YPEL5: variants seen among roughly 807,000 people sequenced by gnomAD.
YPEL5 encodes the protein protein yippee-like 5.
A neutral mutation model predicts 10.5 loss-of-function variants in YPEL5; 1 was observed. The ratio of observed to expected loss-of-function variants is 0.10; its 90% confidence interval spans 0.03 to 0.45. The LOEUF (loss-of-function observed/expected upper bound fraction) is 0.45. Among genes scored for constraint, YPEL5 ranks in the 20% least tolerant of loss-of-function variants. YPEL5 has a pLI of 0.97. For missense variants in YPEL5, 68 were observed against 159.3 expected (o/e 0.43, Z 3.09); for synonymous variants, 61 against 56.6 (o/e 1.08, Z -0.35).
intron 1 of YPEL5, 72 bp from the exon 2 acceptor site, chr2:30,156,555 CT>C: frequency 2.8e-6 from 4 of 1,416,704 alleles, no homozygotes; most frequent in Non-Finnish European, 3.9e-6. Flanking sequence ...AAATTGTTCT[CT>C]ATGACACCCC....
At chr2:30,148,884 TA>T (rs1675647243) in intron 1 of YPEL5, among the ~76,000 whole-genome samples, 1 of 152,236 alleles carries the variant, frequency 6.6e-6, no homozygotes, top group Admixed American at 6.5e-5. Context: ...TATGTGTGCC[TA>T]AAATATCATT....
rs1676148205 is a variant in YPEL5 at position 30,158,637 on chromosome 2, A to G, written c.160A>G (p.Ser54Gly). 1 of 1,613,584 alleles carries G rather than the reference A, an allele frequency of 6.2e-7. No individual in the cohort carries two copies. The highest frequency in any genetic ancestry group is 8.5e-7 in the Non-Finnish European group (1 of 1,180,052). Residue 54 changes from serine to glycine, a missense_variant, in exon 3 of 3, where the codon AGT (serine) becomes GGT (glycine). Coordinates refer to ENST00000261353, the MANE Select transcript of YPEL5 (RefSeq NM_016061.3). ...LFNKVVNLQY[S>G]EVQDRVMLTG... The stretch of plus-strand genomic sequence containing the variant: ...TTGTTAGGTAGTTAACCTGCAGTAC[A>G]GTGAAGTTCAAGATCGGGTCATGCT...
chr2:30,154,054 A>G (rs1675931618), intron 1 of YPEL5, among the ~76,000 whole-genome samples: 1 of 152,246 alleles, frequency 6.6e-6, no homozygotes. Context: ...ATGTAGATAC[A>G]GGTAGTTACT....
chr2:30,154,528 T>G (rs1675950919), intron 1 of YPEL5, among the ~76,000 whole-genome samples: 1 of 152,186 alleles, frequency 6.6e-6, no homozygotes, highest in African/African-American at 2.4e-5. Context: ...TACAGGCTCT[T>G]TAATGAGATC....
At position 30,160,385 on chromosome 2, in the gene YPEL5, T is replaced by A. The variant is rs1280070926; in HGVS notation, c.*1542T>A. The A allele has an allele frequency of 6.6e-6, 1 of 152,210 alleles. No homozygotes were observed. Among genetic ancestry groups the A allele is most frequent in the Non-Finnish European group, 1.5e-5 (1 of 68,032 alleles). The allele number at this position is 152,210 out of a possible 1,614,324, so 9.4% of individuals were successfully genotyped here. Reference sequence around the variant, plus strand: ...AAATAAGTGGACACAAACTATCCTTTCTCCACCATGGACTCAATCTGAGAA... The same window carrying A: ...AAATAAGTGGACACAAACTATCCTTACTCCACCATGGACTCAATCTGAGAA... On this transcript the variant is annotated 3_prime_UTR_variant, in exon 3 of 3. Coordinates refer to ENST00000261353, the MANE Select transcript of YPEL5 (RefSeq NM_016061.3).
chr2:30,157,291 A>C (rs1228133785), intron 2 of YPEL5, among the ~76,000 whole-genome samples: 1 of 152,058 alleles, frequency 6.6e-6, no homozygotes, highest in Non-Finnish European at 1.5e-5. Flanking sequence ...TCAAAAAAAA[A>C]AAAAAGTATA....
chr2:30,156,679 G>A lies in YPEL5; in HGVS notation c.28G>A (p.Gly10Ser), dbSNP rs778143506. ...GGGCAGAATTTTCCTTGATCATATCGGTGGTACCCGTCTGTTTTCTTGTGC... is the reference window on the plus strand; with the variant it reads ...GGGCAGAATTTTCCTTGATCATATCAGTGGTACCCGTCTGTTTTCTTGTGC... Reference protein sequence around the residue: MGRIFLDHIGGTRLFSCANC... With the variant: MGRIFLDHISGTRLFSCANC... Residue 10 changes from glycine (G) to serine (S), a missense_variant, in exon 2 of 3, where the codon GGT becomes AGT. Coordinates refer to ENST00000261353, the MANE Select transcript of YPEL5 (RefSeq NM_016061.3). 3.7e-6 allele frequency: 6 copies of A among 1,613,872 alleles called. No homozygotes were observed. The highest frequency in any genetic ancestry group is 2.2e-5 in the East Asian group (1 of 44,894).
chr2:30,154,367 A>G (rs1170187112), intron 1 of YPEL5, among the ~76,000 whole-genome samples: 1 of 152,048 alleles, frequency 6.6e-6, no homozygotes, highest in Non-Finnish European at 1.5e-5. Context: ...TATTGGTTCA[A>G]GGACCAAAGA....
intron 2 of YPEL5, among the ~76,000 whole-genome samples, chr2:30,158,057 A>G (rs7600457): frequency 0.43 from 65,148 of 152,154 alleles, 14,555 homozygotes; most frequent in East Asian, 0.72. Flanking sequence ...GTGGAAATTC[A>G]TTACACATTG....
intron 1 of YPEL5, chr2:30,147,427 C>T (rs1249799078): frequency 9.4e-5 from 14 of 148,782 alleles, no homozygotes; most frequent in Non-Finnish European, 1.5e-4. Flanking sequence ...CGAGGCCCGC[C>T]GCCGAGGCCC....
chr2:30,155,233 A>C (rs1675991379), intron 1 of YPEL5, among the ~76,000 whole-genome samples: 1 of 152,238 alleles, frequency 6.6e-6, no homozygotes, highest in Admixed American at 6.5e-5. Context: ...TACTAGCTGC[A>C]CATTGTCATT....
chr2:30,158,138 C>CT (rs1265301952), intron 2 of YPEL5, among the ~76,000 whole-genome samples: 1 of 152,132 alleles, frequency 6.6e-6, no homozygotes, highest in African/African-American at 2.4e-5. Context: ...GATGTATGGT[C>CT]TTTAGTAGGC....
intron 1 of YPEL5, among the ~76,000 whole-genome samples, chr2:30,150,562 C>T (rs1429348976): frequency 2.6e-5 from 4 of 152,252 alleles, no homozygotes; most frequent in South Asian, 4.1e-4. Flanking sequence ...TTTTTATAAT[C>T]TTTATTAGAG....
intron 2 of YPEL5, 66 bp downstream of exon 2, chr2:30,156,858 A>G: frequency 1.3e-6 from 2 of 1,568,282 alleles, no homozygotes; most frequent in Non-Finnish European, 1.8e-6. Context: ...ACACCAGAAT[A>G]CCCCCTCAGA....
chr2:30,152,679 T>C (rs1042305964), intron 1 of YPEL5, among the ~76,000 whole-genome samples: 1 of 152,230 alleles, frequency 6.6e-6, no homozygotes, highest in African/African-American at 2.4e-5. Context: ...ACAGTCTCTT[T>C]AATTCATCTA....
chr2:30,155,284 A>C (rs1194489349), intron 1 of YPEL5, among the ~76,000 whole-genome samples: 1 of 152,200 alleles, frequency 6.6e-6, no homozygotes, highest in Non-Finnish European at 1.5e-5. Context: ...AAACTTTCAT[A>C]ATGTTTAAGG....
At chr2:30,151,857 A>G (rs749640986) in intron 1 of YPEL5, among the ~76,000 whole-genome samples, 2 of 152,254 alleles carry the variant, frequency 1.3e-5, no homozygotes, top group Non-Finnish European at 2.9e-5. Flanking sequence ...AAGATGTTTT[A>G]GAAATACGGG....
chr2:30,156,882 A>G (rs1676062703), intron 2 of YPEL5, 90 bp downstream of exon 2: 8 of 1,452,746 alleles, frequency 5.5e-6, no homozygotes, highest in Non-Finnish European at 7.6e-6. Context: ...TAGAGATACC[A>G]GGAAGAGTCA....
chr2:30,156,395 G>A (rs1049016210), intron 1 of YPEL5: 2 of 409,698 alleles, frequency 4.9e-6, no homozygotes, highest in East Asian at 3.9e-5. Context: ...TGGCTAATAG[G>A]TTTACTTCCT....
Sources: allele counts gnomAD v4.1 joint callset (sites outside exome capture counted in the v4.1 genomes callset), GRCh38; gene constraint gnomAD v4.1.1; transcripts MANE v1.5; gene names NCBI Gene and HGNC (gene_info 2026-07-23, HGNC 2026-07-21).